ASAP1: variants seen among roughly 807,000 people sequenced by gnomAD.
ASAP1 encodes the protein arf-GAP with SH3 domain, ANK repeat and PH domain-containing protein 1.
A neutral mutation model predicts 145.2 loss-of-function variants in ASAP1; 43 were observed. The observed-to-expected ratio is 0.30, with a 90% CI of 0.23 to 0.38. ASAP1 has a LOEUF of 0.38. Ranked by LOEUF, ASAP1 falls within the 10% of genes least tolerant of loss-of-function variation. The pLI, the probability that ASAP1 is intolerant of heterozygous loss-of-function variation, is 1.00. For synonymous variants in ASAP1, 546 were observed against 515.5 expected (o/e 1.06, Z -0.80); for missense variants, 1,018 against 1,355.3 (o/e 0.75, Z 3.91).
chr8:130,095,105 C>T (rs1592786581), intron 24 of ASAP1, among the ~76,000 whole-genome samples: 1 of 152,066 alleles, frequency 6.6e-6, no homozygotes, highest in African/African-American at 2.4e-5. Context: ...CCCTTATATA[C>T]TTCTGACTTC....
chr8:130,423,805 T>C, intron 1 of ASAP1, among the ~76,000 whole-genome samples: 1 of 152,216 alleles, frequency 6.6e-6, no homozygotes, highest in East Asian at 1.9e-4. Flanking sequence ...TCTTGTTCTT[T>C]CTGAATTTTC....
intron 15 of ASAP1, among the ~76,000 whole-genome samples, chr8:130,132,252 C>T (rs1216193475): frequency 6.6e-6 from 1 of 152,170 alleles, no homozygotes; most frequent in Non-Finnish European, 1.5e-5. Flanking sequence ...ACATGAAGTG[C>T]ATTTAGCACG....
intron 13 of ASAP1, among the ~76,000 whole-genome samples, chr8:130,147,556 C>T (rs569447450): frequency 4.3e-4 from 65 of 152,306 alleles, no homozygotes; most frequent in African/African-American, 1.3e-3. Flanking sequence ...ACACTTATTG[C>T]GGTCCAGGCT....
intron 13 of ASAP1, among the ~76,000 whole-genome samples, chr8:130,143,360 A>G (rs2097617374): frequency 6.6e-6 from 1 of 152,154 alleles, no homozygotes; most frequent in Non-Finnish European, 1.5e-5. Context: ...ACATGCAGCA[A>G]TAATCACTGT....
intron 12 of ASAP1, among the ~76,000 whole-genome samples, chr8:130,158,122 C>A (rs2097661548): frequency 6.6e-6 from 1 of 151,966 alleles, no homozygotes; most frequent in African/African-American, 2.4e-5. Context: ...TTTTAACAAA[C>A]AAATTACAGT....
At chr8:130,180,107 G>A (rs1167735148) in intron 8 of ASAP1, among the ~76,000 whole-genome samples, 1 of 150,820 alleles carries the variant, frequency 6.6e-6, no homozygotes, top group East Asian at 1.9e-4. Context: ...GGAGGGAATA[G>A]AGAGAGAAAG....
intron 1 of ASAP1, among the ~76,000 whole-genome samples, chr8:130,405,437 C>A (rs566793002): frequency 2.0e-5 from 3 of 152,334 alleles, no homozygotes; most frequent in African/African-American, 7.2e-5. Context: ...CTGTGATGTA[C>A]CAACCTACCT....
chr8:130,141,034 G>C (rs544601287), intron 13 of ASAP1, among the ~76,000 whole-genome samples: 25 of 152,158 alleles, frequency 1.6e-4, no homozygotes, highest in Non-Finnish European at 3.2e-4. Flanking sequence ...ATATTGATTG[G>C]AGACTGTATA....
At chr8:130,207,445 A>G (rs1283645321) in intron 5 of ASAP1, among the ~76,000 whole-genome samples, 1 of 152,232 alleles carries the variant, frequency 6.6e-6, no homozygotes, top group East Asian at 1.9e-4. Context: ...TGGCAACTCC[A>G]AGAGGATACG....
chr8:130,108,478 G>C (rs187115036), intron 24 of ASAP1, among the ~76,000 whole-genome samples: 1 of 152,100 alleles, frequency 6.6e-6, no homozygotes, highest in South Asian at 2.1e-4. Flanking sequence ...CCAAGTGCCC[G>C]GTCTCATTAT....
intron 24 of ASAP1, among the ~76,000 whole-genome samples, chr8:130,110,355 A>G (rs2135571818): frequency 6.6e-6 from 1 of 152,256 alleles, no homozygotes; most frequent in Admixed American, 6.5e-5. Flanking sequence ...TGGTAACCAC[A>G]CTCAGGAGAT....
At chr8:130,429,776 A>G (rs981635607) in intron 1 of ASAP1, among the ~76,000 whole-genome samples, 5 of 152,180 alleles carry the variant, frequency 3.3e-5, no homozygotes, top group African/African-American at 1.2e-4. Flanking sequence ...CGCAACACAC[A>G]CACGTTCTGT....
intron 13 of ASAP1, among the ~76,000 whole-genome samples, chr8:130,150,846 T>C (rs1364945265): frequency 6.6e-6 from 1 of 152,038 alleles, no homozygotes; most frequent in East Asian, 1.9e-4. Flanking sequence ...TGCTACTGCA[T>C]TCCAGCCTGG....
intron 15 of ASAP1, among the ~76,000 whole-genome samples, chr8:130,129,512 AC>A: frequency 6.6e-6 from 1 of 152,350 alleles, no homozygotes; most frequent in Admixed American, 6.5e-5. Context: ...AAAATAAAAA[AC>A]ATTTCCAAAC....
chr8:130,072,835 G>T (rs1343809189), intron 27 of ASAP1, among the ~76,000 whole-genome samples: 1 of 133,036 alleles, frequency 7.5e-6, no homozygotes, highest in Non-Finnish European at 1.8e-5. Flanking sequence ...GCGCGCGGGG[G>T]GGGGCAGTTT....
intron 24 of ASAP1, among the ~76,000 whole-genome samples, chr8:130,108,263 A>C (rs2097540880): frequency 6.6e-6 from 1 of 152,200 alleles, no homozygotes. Flanking sequence ...AGGTATTCAC[A>C]TGCTATTGAG....
Position 130,236,916 on chromosome 8 carries a change from G to C in ASAP1, c.259+6C>G, listed in dbSNP as rs372508034. On this transcript the variant is annotated splice_donor_region_variant and intron_variant, in intron 4 of 29. Coordinates refer to ENST00000518721, the MANE Select transcript of ASAP1 (RefSeq NM_018482.4). ...TCATGTTACCTCATTTTTAGTAAGT[G>C]CTTACCTTGACCAGAATTATATATT... is the stretch of plus-strand genomic sequence containing the variant. The C allele has an allele frequency of 2.6e-5, 41 of 1,563,832 alleles. No individual in the cohort carries two copies. Among genetic ancestry groups the C allele is most frequent in the Non-Finnish European group, 3.2e-5 (37 of 1,145,266 alleles).
chr8:130,284,800 T>C (rs1295208855), intron 3 of ASAP1, among the ~76,000 whole-genome samples: 15 of 151,150 alleles, frequency 9.9e-5, no homozygotes, highest in Non-Finnish European at 2.2e-4. Flanking sequence ...GAATACTGGA[T>C]CTCCTCATGG....
At chr8:130,249,230 G>A (rs1819046750) in intron 3 of ASAP1, among the ~76,000 whole-genome samples, 1 of 152,062 alleles carries the variant, frequency 6.6e-6, no homozygotes, top group Non-Finnish European at 1.5e-5. Flanking sequence ...GCCACTCTCT[G>A]ACTTTAAAAC....
Sources: allele counts gnomAD v4.1 joint callset (sites outside exome capture counted in the v4.1 genomes callset), GRCh38; gene constraint gnomAD v4.1.1; transcripts MANE v1.5; gene names NCBI Gene and HGNC (gene_info 2026-07-23, HGNC 2026-07-21).